NKAIN2: variants seen among roughly 807,000 people sequenced by gnomAD.
The protein encoded by NKAIN2 is sodium/potassium-transporting ATPase subunit beta-1-interacting protein 2.
A neutral mutation model predicts 32.6 loss-of-function variants in NKAIN2; 14 were observed. The ratio of observed to expected loss-of-function variants is 0.43; its 90% confidence interval spans 0.28 to 0.67. NKAIN2 has a LOEUF of 0.67. Ranked by LOEUF, NKAIN2 falls within the 30% of genes least tolerant of loss-of-function variation. NKAIN2 has a pLI of 0.17. For synonymous variants in NKAIN2, 80 were observed against 87.2 expected, an observed-to-expected ratio of 0.92 and a Z score of 0.46; for missense variants, 198 against 258.3, an observed-to-expected ratio of 0.77 and a Z score of 1.60.
At chr6:124,122,522 A>G (rs755306914) in intron 1 of NKAIN2, among the ~76,000 whole-genome samples, 5 of 152,122 alleles carry the variant, frequency 3.3e-5, no homozygotes, top group Non-Finnish European at 7.4e-5. Context: ...AGAACTAATT[A>G]TCATATTTGT....
chr6:124,708,642 C>G (rs1185058589), intron 4 of NKAIN2, among the ~76,000 whole-genome samples: 1 of 150,254 alleles, frequency 6.7e-6, no homozygotes, highest in African/African-American at 2.4e-5. Context: ...GGCTCTCTGT[C>G]TGTTGTTGGT....
intron 3 of NKAIN2, among the ~76,000 whole-genome samples, chr6:124,626,029 G>T (rs1783320090): frequency 6.6e-6 from 1 of 150,674 alleles, no homozygotes; most frequent in African/African-American, 2.4e-5. Context: ...TGCCATGTTG[G>T]TGTGCTGCAC....
chr6:124,784,457 G>T (rs1035202510), intron 4 of NKAIN2, among the ~76,000 whole-genome samples: 2 of 152,030 alleles, frequency 1.3e-5, no homozygotes, highest in African/African-American at 4.8e-5. Context: ...TGTCAAGAAT[G>T]TTCTACAACT....
intron 1 of NKAIN2, among the ~76,000 whole-genome samples, chr6:124,156,016 A>G (rs1039843297): frequency 2.0e-5 from 3 of 151,892 alleles, no homozygotes; most frequent in African/African-American, 7.3e-5. Flanking sequence ...CCTTACATCA[A>G]GTTTGGTGGG....
At chr6:124,542,117 A>C (rs1175323692) in intron 3 of NKAIN2, among the ~76,000 whole-genome samples, 1 of 152,124 alleles carries the variant, frequency 6.6e-6, no homozygotes, top group Non-Finnish European at 1.5e-5. Flanking sequence ...GCTATAATGT[A>C]CATTTAAGGT....
At chr6:123,951,312 G>A (rs1489678420) in intron 1 of NKAIN2, among the ~76,000 whole-genome samples, 1 of 151,892 alleles carries the variant, frequency 6.6e-6, no homozygotes, top group Admixed American at 6.6e-5. Flanking sequence ...ATATTTCTTT[G>A]TTAATTTTCC....
intron 3 of NKAIN2, among the ~76,000 whole-genome samples, chr6:124,474,687 G>A (rs1291575127): frequency 1.3e-5 from 2 of 151,414 alleles, no homozygotes; most frequent in African/African-American, 4.8e-5. Flanking sequence ...TATAAATTTT[G>A]TCAGTAACTA....
At chr6:124,163,998 G>T (rs1310434499) in intron 1 of NKAIN2, among the ~76,000 whole-genome samples, 1 of 151,882 alleles carries the variant, frequency 6.6e-6, no homozygotes. Flanking sequence ...TTATTTCCTT[G>T]ACTGCTCAGT....
intron 1 of NKAIN2, among the ~76,000 whole-genome samples, chr6:123,986,370 C>T (rs1391771545): frequency 2.6e-5 from 4 of 152,190 alleles, no homozygotes; most frequent in Non-Finnish European, 5.9e-5. Context: ...TGTACCAATA[C>T]AGCTGTAAAA....
chr6:124,034,559 T>C (rs1362212642), intron 1 of NKAIN2, among the ~76,000 whole-genome samples: 1 of 152,142 alleles, frequency 6.6e-6, no homozygotes, highest in Non-Finnish European at 1.5e-5. Context: ...TTTGCTGTTG[T>C]GAATAGCCCT....
At chr6:124,184,853 T>G (rs890560260) in intron 1 of NKAIN2, among the ~76,000 whole-genome samples, 2 of 152,086 alleles carry the variant, frequency 1.3e-5, no homozygotes, top group Admixed American at 6.6e-5. Context: ...TTTCAGCAAC[T>G]GTTAACCATG....
intron 1 of NKAIN2, among the ~76,000 whole-genome samples, chr6:123,911,527 T>A (rs1775176292): frequency 6.6e-6 from 1 of 151,804 alleles, no homozygotes. Context: ...ATCCCTATGA[T>A]CCAAATACCT....
intron 1 of NKAIN2, among the ~76,000 whole-genome samples, chr6:123,905,602 C>T (rs866467394): frequency 6.6e-6 from 1 of 152,072 alleles, no homozygotes; most frequent in Admixed American, 6.6e-5. Context: ...AGGTCTAGTT[C>T]TAATGTACCT....
At chr6:124,067,855 C>A (rs2114872282) in intron 1 of NKAIN2, among the ~76,000 whole-genome samples, 1 of 152,224 alleles carries the variant, frequency 6.6e-6, no homozygotes, top group Admixed American at 6.5e-5. Context: ...TATTGGGCAC[C>A]TATTTTATGG....
At chr6:123,935,183 A>C (rs1776442502) in intron 1 of NKAIN2, among the ~76,000 whole-genome samples, 1 of 147,786 alleles carries the variant, frequency 6.8e-6, no homozygotes, top group Non-Finnish European at 1.5e-5. Context: ...AAATATATTA[A>C]ATAAATAAAT....
chr6:124,331,900 A>G (rs1041320541), intron 2 of NKAIN2, among the ~76,000 whole-genome samples: 1 of 152,186 alleles, frequency 6.6e-6, no homozygotes, highest in Non-Finnish European at 1.5e-5. Flanking sequence ...ACAAAACTCA[A>G]TTTTACCCTT....
chr6:124,778,512 TAA>T (rs1554263623), intron 4 of NKAIN2, among the ~76,000 whole-genome samples: 1 of 151,878 alleles, frequency 6.6e-6, no homozygotes, highest in Non-Finnish European at 1.5e-5. Flanking sequence ...AAGTGTATAA[TAA>T]AAAAATTTTA....
At chr6:124,027,232 CG>C (rs1200248259) in intron 1 of NKAIN2, among the ~76,000 whole-genome samples, 7 of 151,750 alleles carry the variant, frequency 4.6e-5, no homozygotes, top group South Asian at 4.2e-4. Flanking sequence ...CTCCGCCTCC[CG>C]GGTTCAAGCG....
At chr6:124,492,157 A>G (rs1049484578) in intron 3 of NKAIN2, among the ~76,000 whole-genome samples, 1 of 151,838 alleles carries the variant, frequency 6.6e-6, no homozygotes, top group East Asian at 1.9e-4. Flanking sequence ...TATTTTCTTC[A>G]TCTTCACTAA....
Sources: allele counts gnomAD v4.1 joint callset (sites outside exome capture counted in the v4.1 genomes callset), GRCh38; gene constraint gnomAD v4.1.1; transcripts MANE v1.5; gene names NCBI Gene and HGNC (gene_info 2026-07-23, HGNC 2026-07-21).